SFXN1: variants seen among roughly 807,000 people sequenced by gnomAD.
SFXN1 encodes sideroflexin-1.
In SFXN1, 32 loss-of-function variants were observed where a neutral mutation model predicts 39.5. That is an observed-to-expected ratio of 0.81 (90% CI 0.61 to 1.09). The LOEUF is 1.09. SFXN1 is among the 50% of genes least tolerant of loss of function. The pLI, the probability that SFXN1 is intolerant of heterozygous loss-of-function variation, is 0.00. For missense variants in SFXN1, 402 were observed against 407.1 expected (o/e 0.99, Z 0.11); for synonymous variants, 136 against 146.5 (o/e 0.93, Z 0.52).
chr5:175,500,465 A>T (rs1000716953), intron 2 of SFXN1, among the ~76,000 whole-genome samples: 64 of 151,440 alleles, frequency 4.2e-4, no homozygotes, highest in African/African-American at 1.5e-3. Context: ...AATTACAGAG[A>T]AAAAAACAGA....
At chr5:175,508,510 C>A (rs1447290718) in intron 2 of SFXN1, among the ~76,000 whole-genome samples, 1 of 152,072 alleles carries the variant, frequency 6.6e-6, no homozygotes, top group South Asian at 2.1e-4. Context: ...GCTGAGATTA[C>A]AGGCATAAGC....
chr5:175,526,544 G>A, intron 10 of SFXN1, 94 bp from the exon 11 acceptor site: 2 of 935,390 alleles, frequency 2.1e-6, no homozygotes, highest in South Asian at 2.8e-5. Context: ...ACCAGTCCTG[G>A]GATCTCCACA....
intron 4 of SFXN1, among the ~76,000 whole-genome samples, chr5:175,510,887 T>G (rs1478001958): frequency 6.6e-6 from 1 of 152,214 alleles, no homozygotes; most frequent in Non-Finnish European, 1.5e-5. Flanking sequence ...CAAAGGATCT[T>G]GAAATCTGCA....
At chr5:175,501,963 C>T (rs1235475169) in intron 2 of SFXN1, among the ~76,000 whole-genome samples, 5 of 152,130 alleles carry the variant, frequency 3.3e-5, no homozygotes, top group South Asian at 2.1e-4. Context: ...CCGACTGATT[C>T]GGTGATCAGA....
At chr5:175,502,428 A>G (rs565211936) in intron 2 of SFXN1, among the ~76,000 whole-genome samples, 8 of 152,348 alleles carry the variant, frequency 5.3e-5, no homozygotes, top group African/African-American at 1.9e-4. Context: ...ATGAAAAAGG[A>G]CAGCTTAAGG....
At chr5:175,510,297 G>T (rs1202277611) in intron 4 of SFXN1, 90 bp downstream of exon 4, 4 of 1,048,484 alleles carry the variant, frequency 3.8e-6, no homozygotes, top group Non-Finnish European at 4.3e-6. Flanking sequence ...AAGCCTATGT[G>T]TGCATATTTT....
At chr5:175,518,454 A>AGAG (rs1231526222) in intron 8 of SFXN1, among the ~76,000 whole-genome samples, 2 of 152,172 alleles carry the variant, frequency 1.3e-5, no homozygotes, top group South Asian at 2.1e-4. Context: ...AGTCCCAGAA[A>AGAG]GAGGATACGA....
At position 175,518,708 on chromosome 5, in the gene SFXN1, T is replaced by A. The variant is rs1354788116; in HGVS notation, c.774+2045T>A. On this transcript the variant is annotated intron_variant, in intron 8 of 10. Coordinates refer to ENST00000321442, the MANE Select transcript of SFXN1 (RefSeq NM_022754.7). ...TTGTGGATGGTTAGGTTGGCTGGGA[T>A]GTAGGCAATGTGTAAGGAATTGACT... Among the ~76,000 whole-genome samples, 4 of 152,308 alleles carry A rather than the reference T, an allele frequency of 2.6e-5. No homozygotes were observed. The East Asian group carries it at 7.7e-4, about 29-fold the overall frequency.
intron 7 of SFXN1, 40 bp from the exon 8 acceptor site, chr5:175,516,574 C>G: frequency 1.6e-5 from 24 of 1,545,724 alleles, no homozygotes; most frequent in Non-Finnish European, 2.1e-5. Context: ...TGAAAATTGG[C>G]ATTAAATAAA....
chr5:175,502,553 G>A (rs149562209), intron 2 of SFXN1, among the ~76,000 whole-genome samples: 11 of 152,270 alleles, frequency 7.2e-5, no homozygotes, highest in East Asian at 1.9e-4. Flanking sequence ...GATAAATAAC[G>A]TACTGGCCGG....
chr5:175,526,308 A>G (rs945081411), intron 10 of SFXN1, among the ~76,000 whole-genome samples: 1 of 152,154 alleles, frequency 6.6e-6, no homozygotes, highest in Non-Finnish European at 1.5e-5. Context: ...TTTCTTAGGA[A>G]GTGGCATTGC....
Position 175,526,709 on chromosome 5 carries a change from G to A in SFXN1, c.944G>A (p.Arg315His), listed in dbSNP as rs143516507. ...KIQESHPELRRVYFNKGL is the reference protein window; with the variant it reads ...KIQESHPELRHVYFNKGL Reference sequence around the variant, plus strand: ...CAAGAGAGCCATCCTGAATTGCGACGCGTGTACTTCAATAAGGGATTGTAA... The same window carrying A: ...CAAGAGAGCCATCCTGAATTGCGACACGTGTACTTCAATAAGGGATTGTAA... Residue 315 changes from arginine to histidine, a missense_variant, in exon 11 of 11, where the codon CGC (arginine) becomes CAC (histidine). Coordinates refer to ENST00000321442, the MANE Select transcript of SFXN1 (RefSeq NM_022754.7). 81 of 1,614,066 alleles carry A rather than the reference G, an allele frequency of 5.0e-5. 1 individual carries two copies. Among genetic ancestry groups the A allele is most frequent in the South Asian group, 2.2e-4 (20 of 91,088 alleles).
At chr5:175,480,646 C>T (rs1273337380) in intron 1 of SFXN1, among the ~76,000 whole-genome samples, 1 of 152,208 alleles carries the variant, frequency 6.6e-6, no homozygotes, top group Non-Finnish European at 1.5e-5. Context: ...GGGATGGATA[C>T]AGAAAGGCAC....
intron 8 of SFXN1, among the ~76,000 whole-genome samples, chr5:175,521,498 C>G (rs1214726222): frequency 6.6e-6 from 1 of 152,150 alleles, no homozygotes; most frequent in Admixed American, 6.5e-5. Context: ...CACAAGGAAA[C>G]GGAAGCTTGG....
intron 2 of SFXN1, among the ~76,000 whole-genome samples, chr5:175,505,273 G>A (rs1160977354): frequency 2.0e-5 from 3 of 152,014 alleles, no homozygotes; most frequent in African/African-American, 7.2e-5. Flanking sequence ...AGTGACTCAT[G>A]CCTGTTATCC....
chr5:175,480,127 C>G (rs1759175562), intron 1 of SFXN1, among the ~76,000 whole-genome samples: 1 of 152,110 alleles, frequency 6.6e-6, no homozygotes, highest in African/African-American at 2.4e-5. Context: ...TTGGGCCAGG[C>G]GCGGTGGCTC....
chr5:175,504,023 G>GAAAAAA (rs35234992), intron 2 of SFXN1, among the ~76,000 whole-genome samples: 1 of 137,998 alleles, frequency 7.2e-6, no homozygotes, highest in Non-Finnish European at 1.5e-5. Flanking sequence ...AAAAAAAAGG[G>GAAAAAA]ATCCTATGGA....
At chr5:175,482,753 G>A (rs1239112555) in intron 1 of SFXN1, among the ~76,000 whole-genome samples, 1 of 152,220 alleles carries the variant, frequency 6.6e-6, no homozygotes, top group Non-Finnish European at 1.5e-5. Flanking sequence ...GCTCAGAGGT[G>A]TAAAGTAATT....
Position 175,518,678 on chromosome 5 carries a change from G to A in SFXN1, c.774+2015G>A, listed in dbSNP as rs112665636. Among the ~76,000 whole-genome samples, 587 of 152,314 alleles carry A rather than the reference G, an allele frequency of 3.9e-3. 9 individuals are homozygous for A. Among genetic ancestry groups the A allele is most frequent in the African/African-American group, 0.014 (564 of 41,564 alleles). ...CAAGTACACAGAGCATGAATTGTTG[G>A]AAGTTTGTGGATGGTTAGGTTGGCT... is the stretch of plus-strand genomic sequence containing the variant. On this transcript the variant is annotated intron_variant, in intron 8 of 10. Coordinates refer to ENST00000321442, the MANE Select transcript of SFXN1 (RefSeq NM_022754.7).
Sources: allele counts gnomAD v4.1 joint callset (sites outside exome capture counted in the v4.1 genomes callset), GRCh38; gene constraint gnomAD v4.1.1; transcripts MANE v1.5; gene names NCBI Gene and HGNC (gene_info 2026-07-23, HGNC 2026-07-21).